KCTD3: variants seen among roughly 807,000 people sequenced by gnomAD.
The protein encoded by KCTD3 is potassium channel tetramerization domain containing 3.
Under a neutral mutation model 85.8 loss-of-function variants are expected in KCTD3, and 41 were observed. The observed-to-expected ratio is 0.48, with a 90% CI of 0.37 to 0.62. The LOEUF (loss-of-function observed/expected upper bound fraction) is 0.62. KCTD3 is among the 20% of genes least tolerant of loss of function. KCTD3 has a pLI of 0.00. For missense variants in KCTD3, 724 were observed against 989.9 expected (o/e 0.73, Z 3.60); for synonymous variants, 338 against 345.4 (o/e 0.98, Z 0.24).
rs114079200 is a variant in KCTD3 at position 215,604,132 on chromosome 1, G to A, written c.1139G>A (p.Ser380Asn). The A allele has an allele frequency of 6.2e-7, 1 of 1,606,636 alleles. No homozygotes were observed. The highest frequency in any genetic ancestry group is 1.3e-5 in the African/African-American group (1 of 74,564). ...CCTGTCAACTCTTGACTTTATATAG[G>A]TGTCAGTGGTAACTGGATCGAGATC... is the stretch of plus-strand genomic sequence containing the variant. Reference protein sequence around the residue: ...ALSVYLTPKTSVSGNWIEIAY... With the variant: ...ALSVYLTPKTNVSGNWIEIAY... Residue 380 changes from serine (S) to asparagine (N), a missense_variant and splice_region_variant, in exon 13 of 18, where the codon AGT (serine) becomes AAT (asparagine). Ser to Asn is a conservative substitution (Grantham distance 46). This residue lies in a region of KCTD3 where 146 missense variants were observed against 320.3 expected (regional missense o/e 0.46). Transcript: ENST00000259154.
chr1:215,596,427 T>A (rs936636779), intron 10 of KCTD3, among the ~76,000 whole-genome samples: 5 of 152,090 alleles, frequency 3.3e-5, no homozygotes, highest in African/African-American at 1.2e-4. Flanking sequence ...GATAAAAAAT[T>A]AATAAGATTT....
intron 10 of KCTD3, among the ~76,000 whole-genome samples, chr1:215,597,294 G>T (rs1011853206): frequency 6.7e-6 from 1 of 149,790 alleles, no homozygotes; most frequent in African/African-American, 2.5e-5. Flanking sequence ...CCACCCCCTC[G>T]CCCACACACA....
At chr1:215,603,845 A>G (rs1362325520) in intron 12 of KCTD3, among the ~76,000 whole-genome samples, 1 of 152,224 alleles carries the variant, frequency 6.6e-6, no homozygotes, top group African/African-American at 2.4e-5. Flanking sequence ...CATAGAAATA[A>G]GTACAGAATT....
chr1:215,603,836 A>G (rs948270053), intron 12 of KCTD3, among the ~76,000 whole-genome samples: 3 of 152,226 alleles, frequency 2.0e-5, no homozygotes, highest in African/African-American at 7.2e-5. Context: ...GTAGCTAGAC[A>G]TAGAAATAAG....
intron 10 of KCTD3, 55 bp downstream of exon 10, chr1:215,595,526 A>G (rs957135599): frequency 1.8e-6 from 2 of 1,085,100 alleles, no homozygotes; most frequent in African/African-American, 1.6e-5. Context: ...TATGCTGATT[A>G]TGTATTTTTT....
chr1:215,578,837 T>A (rs766746318), intron 6 of KCTD3, among the ~76,000 whole-genome samples, 163 bp from the exon 7 acceptor site: 1 of 152,258 alleles, frequency 6.6e-6, no homozygotes. Context: ...ATTTTCATTT[T>A]ATTTTTTAAT....
At position 215,619,285 on chromosome 1, in the gene KCTD3, A is replaced by G; in HGVS notation, c.1880A>G (p.Asn627Ser). The G allele has an allele frequency of 6.2e-7, 1 of 1,612,578 alleles. No individual in the cohort carries two copies. The highest frequency in any genetic ancestry group is 1.1e-5 in the South Asian group (1 of 90,716). The part of the protein sequence containing the change: ...VVQHSHLRES[N>S]SSLQLQHHDT... ...CAGCATAGCCACTTACGAGAATCAA[A>G]TTCTAGGTAGGTTAAAGAGTTGGGT... The change falls in exon 17 of 18, where the codon AAT (asparagine) becomes AGT (serine). Residue 627 changes from asparagine to serine, a missense_variant. Physicochemically the swap from Asn to Ser is conservative, Grantham distance 46. Coordinates refer to ENST00000259154, the MANE Select transcript of KCTD3 (RefSeq NM_016121.5).
intron 12 of KCTD3, among the ~76,000 whole-genome samples, chr1:215,603,556 A>G (rs1654910749): frequency 6.6e-6 from 1 of 152,194 alleles, no homozygotes; most frequent in South Asian, 2.1e-4. Context: ...ATTCCCTAGC[A>G]CAGTGTTTTG....
chr1:215,573,551 A>G (rs928558975), intron 1 of KCTD3, among the ~76,000 whole-genome samples: 1 of 152,160 alleles, frequency 6.6e-6, no homozygotes, highest in African/African-American at 2.4e-5. Context: ...GTGTTTTAAG[A>G]TGCATTATAT....
intron 8 of KCTD3, among the ~76,000 whole-genome samples, chr1:215,580,468 TTAATATC>T (rs149176229): frequency 0.017 from 2,613 of 152,284 alleles, 63 homozygotes; most frequent in African/African-American, 0.058. Flanking sequence ...GTGGTATAGT[TTAATATC>T]TAATATGTGA....
chr1:215,579,860 C>T lies in KCTD3; in HGVS notation c.536-49C>T, dbSNP rs762512569. 5 of 1,385,972 alleles carry T rather than the reference C, an allele frequency of 3.6e-6. No homozygotes were observed. In the South Asian group the frequency reaches 5.9e-5, roughly 16 times the overall value. The allele number at this position is 1,385,972 out of a possible 1,614,324, so 85.9% of individuals were successfully genotyped here. On this transcript the variant is annotated intron_variant, in intron 7 of 17. Transcript: ENST00000259154. Reference sequence around the variant, plus strand: ...AAACTGGCCTGGTGGCTGTAATTTGCCAACCCCCGGTTTAGAATGTAAAAT... The same window carrying T: ...AAACTGGCCTGGTGGCTGTAATTTGTCAACCCCCGGTTTAGAATGTAAAAT...
chr1:215,588,836 CAA>C (rs1660113548), intron 9 of KCTD3, among the ~76,000 whole-genome samples: 1 of 152,174 alleles, frequency 6.6e-6, no homozygotes, highest in African/African-American at 2.4e-5. Flanking sequence ...ATTCTACAGA[CAA>C]GAGATTGACT....
intron 1 of KCTD3, among the ~76,000 whole-genome samples, chr1:215,572,512 C>T (rs557785001): frequency 4.6e-5 from 7 of 152,184 alleles, no homozygotes; most frequent in Admixed American, 2.6e-4. Context: ...TCACAGTCAC[C>T]CTGGCCTGCA....
chr1:215,582,203 G>A (rs1019555470), intron 8 of KCTD3, among the ~76,000 whole-genome samples: 4 of 152,142 alleles, frequency 2.6e-5, no homozygotes, highest in African/African-American at 4.8e-5. Flanking sequence ...AATTTATTAC[G>A]TAAATCATTC....
At chr1:215,577,802 A>G in intron 5 of KCTD3, 74 bp downstream of exon 5, 1 of 1,293,170 alleles carries the variant, frequency 7.7e-7, no homozygotes, top group East Asian at 2.3e-5. Context: ...AAATGTGTTT[A>G]TATCAGGTCC....
In KCTD3 at chr1:215,591,276, CTCCTTCCTTCTT is replaced by C. The variant is rs1558235537; in HGVS notation, c.818-4069_818-4058del. 4.2e-5 allele frequency among the ~76,000 whole-genome samples: 6 copies of C among 142,964 alleles called. No individual in the cohort carries two copies. The South Asian group carries it at 6.6e-4, about 16-fold the overall frequency. The allele number at this position is 142,964 out of a possible 152,430, so 93.8% of individuals were successfully genotyped here. ...CTTTCTTTCTTTTCTTTCTCTCTCTCTCCTTCCTTCTTTCCTTCCTTCCTTCCTTCCTTCCTT... is the reference window on the plus strand; with the variant it reads ...CTTTCTTTCTTTTCTTTCTCTCTCTCTCCTTCCTTCCTTCCTTCCTTCCTT... On this transcript the variant is annotated intron_variant, in intron 9 of 17. Transcript: ENST00000259154.
chr1:215,619,896 A>G (rs1558248565), intron 17 of KCTD3, among the ~76,000 whole-genome samples, 161 bp from the exon 18 acceptor site: 1 of 152,198 alleles, frequency 6.6e-6, no homozygotes, highest in Non-Finnish European at 1.5e-5. Context: ...TACCATCTAT[A>G]TAATAAAGAG....
At chr1:215,605,151 A>G (rs1252386525) in intron 13 of KCTD3, among the ~76,000 whole-genome samples, 1 of 152,144 alleles carries the variant, frequency 6.6e-6, no homozygotes, top group Non-Finnish European at 1.5e-5. Context: ...TTCTTGCCCA[A>G]CTTAAAATTT....
chr1:215,618,704 AG>A (rs1472544174), intron 15 of KCTD3, 181 bp from the exon 16 acceptor site: 3 of 557,842 alleles, frequency 5.4e-6, no homozygotes, highest in Non-Finnish European at 9.4e-6. Context: ...CCATCTCCAT[AG>A]AGCTGTATAT....
Sources: allele counts gnomAD v4.1 joint callset (sites outside exome capture counted in the v4.1 genomes callset), GRCh38; gene constraint gnomAD v4.1.1; regional missense constraint gnomAD v4.1.1; transcripts MANE v1.5; gene names NCBI Gene and HGNC (gene_info 2026-07-23, HGNC 2026-07-21).